ACSM1: variants seen among roughly 807,000 people sequenced by gnomAD.
The protein encoded by ACSM1 is acyl-coenzyme A synthetase ACSM1, mitochondrial.
A neutral mutation model predicts 75.8 loss-of-function variants in ACSM1; 79 were observed. The observed-to-expected ratio is 1.04, with a 90% CI of 0.87 to 1.26. The LOEUF (loss-of-function observed/expected upper bound fraction) is 1.26, where lower values mean the gene tolerates loss of function less well. Among genes scored for constraint, ACSM1 ranks in the 50% most tolerant of loss-of-function variants. The pLI is 0.00. For synonymous variants in ACSM1, 279 were observed against 265.8 expected (o/e 1.05, Z -0.48); for missense variants, 676 against 720.1 (o/e 0.94, Z 0.70).
chr16:20,654,481 A>T (rs1038400064), intron 7 of ACSM1, among the ~76,000 whole-genome samples: 4 of 152,240 alleles, frequency 2.6e-5, no homozygotes, highest in African/African-American at 9.6e-5. Context: ...GAATGGGAGA[A>T]AATTTTTGCC....
Position 20,691,007 on chromosome 16 carries a change from T to A in ACSM1, c.182A>T (p.Gln61Leu). The change falls in exon 2 of 14, where the codon CAA (glutamine) becomes CTA (leucine). Residue 61 changes from glutamine (Q) to leucine (L), a missense_variant. By Grantham distance (113) the Gln-to-Leu change is moderately radical. Transcript: ENST00000520010. The part of the protein sequence containing the change: ...FASYVLDYWA[Q>L]KEKEGKRGPN... ...CGGCAGATCTCTTACCTTCTCCTTTTGAGCCCAGTAGTCCAGTACATAACT... is the reference window on the plus strand; with the variant it reads ...CGGCAGATCTCTTACCTTCTCCTTTAGAGCCCAGTAGTCCAGTACATAACT... The A allele has an allele frequency of 6.2e-7, 1 of 1,609,694 alleles. No homozygotes were observed. The highest frequency in any genetic ancestry group is 8.5e-7 in the Non-Finnish European group (1 of 1,178,360).
At chr16:20,672,013 G>A (rs1347577242) in intron 4 of ACSM1, among the ~76,000 whole-genome samples, 1 of 152,084 alleles carries the variant, frequency 6.6e-6, no homozygotes, top group East Asian at 1.9e-4. Context: ...CTCTCAATGA[G>A]TTACAAATAT....
At chr16:20,643,053 G>A (rs1269104683) in intron 7 of ACSM1, among the ~76,000 whole-genome samples, 1 of 152,178 alleles carries the variant, frequency 6.6e-6, no homozygotes, top group Non-Finnish European at 1.5e-5. Context: ...CAACCAACTT[G>A]TTGTCAAACC....
chr16:20,625,219 T>C (rs1165529368), intron 12 of ACSM1, among the ~76,000 whole-genome samples: 1 of 152,192 alleles, frequency 6.6e-6, no homozygotes, highest in Non-Finnish European at 1.5e-5. Flanking sequence ...ATTTGGCATA[T>C]ATAAGTGCTC....
chr16:20,686,983 T>C (rs2079565304), intron 2 of ACSM1, among the ~76,000 whole-genome samples: 1 of 150,394 alleles, frequency 6.6e-6, no homozygotes, highest in East Asian at 2.1e-4. Context: ...TTGTGATTTT[T>C]TTTTTTTTTT....
rs8056709 is a variant in ACSM1, at chr16:20,625,515, T to C, written c.1435A>G (p.Ile479Val). 2.3e-3 allele frequency: 3,642 copies of C among 1,613,934 alleles called. 59 individuals are homozygous for C. The African/African-American group carries it at 0.037, about 16-fold the overall frequency. ...DDIINASGYR[I>V]GPAEVESALV... ...GCGCTTTCAACCTCTGCAGGCCCGA[T>C]GCGATACCTGGAGGATGAAGGGTTC... Residue 479 changes from isoleucine (I) to valine (V), a missense_variant, in exon 12 of 14, where the codon ATC becomes GTC. Coordinates refer to ENST00000520010, the MANE Select transcript of ACSM1 (RefSeq NM_001318890.3).
chr16:20,696,045 A>G (rs918910534), intron 1 of ACSM1, among the ~76,000 whole-genome samples: 24 of 152,196 alleles, frequency 1.6e-4, no homozygotes, highest in African/African-American at 5.3e-4. Flanking sequence ...AGTACTTACC[A>G]TCGTGTCATG....
intron 7 of ACSM1, among the ~76,000 whole-genome samples, chr16:20,652,805 G>A (rs2018721305): frequency 6.6e-6 from 1 of 152,148 alleles, no homozygotes; most frequent in Admixed American, 6.5e-5. Context: ...TAGATTCACA[G>A]CCGAATTCTG....
chr16:20,670,065 A>T, intron 5 of ACSM1, 79 bp from the exon 6 acceptor site: 1 of 1,411,438 alleles, frequency 7.1e-7, no homozygotes, highest in Non-Finnish European at 9.8e-7. Context: ...GTTTTTAGCT[A>T]CGAACCCACC....
At position 20,691,212 on chromosome 16, in the gene ACSM1, G is replaced by C; in HGVS notation, c.-24C>G. Reference sequence around the variant, plus strand: ...ATGGTGAAACAGTCCTCAGAAACCAGGCACAGAGTTCTCAAGTCACCACCT... The same window carrying C: ...ATGGTGAAACAGTCCTCAGAAACCACGCACAGAGTTCTCAAGTCACCACCT... On this transcript the variant is annotated 5_prime_UTR_variant, in exon 2 of 14. Coordinates refer to ENST00000520010, the MANE Select transcript of ACSM1 (RefSeq NM_001318890.3). The C allele has an allele frequency of 6.5e-7, 1 of 1,532,320 alleles. No individual in the cohort carries two copies. The highest frequency in any genetic ancestry group is 1.4e-5 in the African/African-American group (1 of 70,952). 94.9% of individuals were successfully genotyped at this position (1,532,320 alleles called of 1,614,324 possible).
chr16:20,683,966 A>T lies in ACSM1; in HGVS notation c.403+1227T>A, dbSNP rs16970539. 4.9e-3 allele frequency among the ~76,000 whole-genome samples: 749 copies of T among 152,248 alleles called. 20 individuals carry two copies. The East Asian group carries it at 0.075, about 15-fold the overall frequency. On this transcript the variant is annotated intron_variant, in intron 3 of 13. Transcript: ENST00000520010. ...CAGTTTTATTACTTCTTGATTTCAC[A>T]TGATCTGGCTGAATGAATCACCTAT... is the stretch of plus-strand genomic sequence containing the variant.
chr16:20,685,350 A>C lies in ACSM1; in HGVS notation c.246T>G (p.Asp82Glu). 6.2e-7 allele frequency: 1 copy of C among 1,614,162 alleles called. No individual in the cohort carries two copies. Among genetic ancestry groups the C allele is most frequent in the South Asian group, 1.1e-5 (1 of 91,086 alleles). The change falls in exon 3 of 14, where the codon GAT becomes GAG. Residue 82 changes from aspartate to glutamate, a missense_variant. Coordinates refer to ENST00000520010, the MANE Select transcript of ACSM1 (RefSeq NM_001318890.3). ...PAFWWVNGQG[D>E]EVKWSFREMG... ...TCTCTCTGAAGCTCCACTTTACTTC[A>C]TCCCCTTGGCCATTCACCCACCAAA...
At chr16:20,657,917 T>A (rs548547392) in intron 7 of ACSM1, among the ~76,000 whole-genome samples, 223 of 152,284 alleles carry the variant, frequency 1.5e-3, no homozygotes, top group African/African-American at 5.2e-3. Context: ...CTCATCTATG[T>A]CCCTGCAAAC....
At chr16:20,672,504 T>C (rs1245025245) in intron 4 of ACSM1, among the ~76,000 whole-genome samples, 1 of 105,966 alleles carries the variant, frequency 9.4e-6, no homozygotes, top group Non-Finnish European at 1.8e-5. Context: ...ATAAAAAACA[T>C]ATTTATATAT....
chr16:20,686,413 C>A (rs908038316), intron 2 of ACSM1, among the ~76,000 whole-genome samples: 9 of 152,022 alleles, frequency 5.9e-5, no homozygotes, highest in African/African-American at 2.2e-4. Context: ...CATGAAAAAG[C>A]CATACTCAAT....
intron 1 of ACSM1, among the ~76,000 whole-genome samples, chr16:20,692,724 TAA>T (rs2079665747): frequency 6.6e-6 from 1 of 152,184 alleles, no homozygotes; most frequent in African/African-American, 2.4e-5. Context: ...TATTTTTGGG[TAA>T]AACATTTTGA....
chr16:20,663,877 A>G (rs1288733111), intron 6 of ACSM1, among the ~76,000 whole-genome samples: 1 of 152,128 alleles, frequency 6.6e-6, no homozygotes, highest in Admixed American at 6.6e-5. Context: ...ACTGGCAGCC[A>G]AGGGAGCTCT....
intron 10 of ACSM1, among the ~76,000 whole-genome samples, chr16:20,634,489 A>C (rs968648467): frequency 9.9e-5 from 15 of 152,268 alleles, no homozygotes; most frequent in Non-Finnish European, 1.8e-4. Context: ...TGTTGTATAC[A>C]TACAGTGGAA....
intron 7 of ACSM1, among the ~76,000 whole-genome samples, chr16:20,650,323 A>G (rs2018578755): frequency 6.6e-6 from 1 of 152,094 alleles, no homozygotes; most frequent in Non-Finnish European, 1.5e-5. Flanking sequence ...TTCTGCTCCA[A>G]AGAGAAAGGT....
Sources: allele counts gnomAD v4.1 joint callset (sites outside exome capture counted in the v4.1 genomes callset), GRCh38; gene constraint gnomAD v4.1.1; transcripts MANE v1.5; gene names NCBI Gene and HGNC (gene_info 2026-07-23, HGNC 2026-07-21).